Variants in ECM2 observed in about 807,000 individuals in gnomAD.
ECM2 encodes extracellular matrix protein 2, also known as extracellular matrix protein 2, female organ and adipocyte specific.
Under a neutral mutation model 67.5 loss-of-function variants are expected in ECM2, and 57 were observed. The observed-to-expected ratio is 0.84, with a 90% CI of 0.68 to 1.05. The LOEUF (loss-of-function observed/expected upper bound fraction) is 1.05. Among genes scored for constraint, ECM2 ranks in the 50% least tolerant of loss-of-function variants. ECM2 has a pLI of 0.00. For missense variants in ECM2, 741 were observed against 822.8 expected, an observed-to-expected ratio of 0.90 and a Z score of 1.22; for synonymous variants, 258 against 294.5, an observed-to-expected ratio of 0.88 and a Z score of 1.27.
chr9:92,497,211 T>C (rs577721195), intron 9 of ECM2, among the ~76,000 whole-genome samples: 2 of 152,328 alleles, frequency 1.3e-5, no homozygotes, highest in South Asian at 4.1e-4. Context: ...TGGAAACACA[T>C]GTCTATCAAT....
intron 1 of ECM2, among the ~76,000 whole-genome samples, chr9:92,532,232 TCAC>T (rs959014941): frequency 7.2e-5 from 11 of 151,966 alleles, no homozygotes; most frequent in African/African-American, 2.4e-4. Flanking sequence ...TCTAATTTTT[TCAC>T]TTTTAAAAGT....
the ECM2 span, among the ~76,000 whole-genome samples, chr9:92,548,541 A>G: frequency 2.0e-5 from 3 of 152,222 alleles, no homozygotes. Context: ...TTGGAAATAT[A>G]TTTTAATAAA....
chr9:92,530,190 G>A (rs370526593), intron 1 of ECM2, among the ~76,000 whole-genome samples: 4 of 152,070 alleles, frequency 2.6e-5, no homozygotes, highest in South Asian at 2.1e-4. Context: ...ACCAAGGGAC[G>A]ACAGTACTAT....
At chr9:92,555,375 T>C in the ECM2 span, among the ~76,000 whole-genome samples, 1 of 151,530 alleles carries the variant, frequency 6.6e-6, no homozygotes, top group Non-Finnish European at 1.5e-5. Context: ...TACAGATGCA[T>C]ACCACCATGT....
intron 5 of ECM2, among the ~76,000 whole-genome samples, chr9:92,511,531 T>C (rs896649527): frequency 1.3e-5 from 2 of 151,968 alleles, no homozygotes; most frequent in Non-Finnish European, 2.9e-5. Flanking sequence ...CCCCAAGCTA[T>C]CCCTAATTTT....
At chr9:92,517,138 A>G (rs1847777999) in intron 3 of ECM2, 1 of 157,060 alleles carries the variant, frequency 6.4e-6, no homozygotes, top group Non-Finnish European at 1.4e-5. Context: ...GAAGTGCCAC[A>G]TGAGAAAATC....
At chr9:92,540,084 A>G (rs973518078), upstream of ECM2, among the ~76,000 whole-genome samples, 16 of 152,244 alleles carry the variant, frequency 1.1e-4, no homozygotes, top group African/African-American at 3.9e-4. Context: ...CACAGTTAAA[A>G]TTTCAGTTTT....
the ECM2 span, among the ~76,000 whole-genome samples, chr9:92,546,407 C>T: frequency 6.6e-6 from 1 of 152,160 alleles, no homozygotes; most frequent in East Asian, 1.9e-4. Context: ...TCTTTGGGTC[C>T]ACGCTGACTT....
chr9:92,495,710 T>A lies in ECM2; in HGVS notation c.*605A>T. On this transcript the variant is annotated 3_prime_UTR_variant, in exon 10 of 10. Coordinates refer to ENST00000344604, the MANE Select transcript of ECM2 (RefSeq NM_001393.4). Reference sequence around the variant, plus strand: ...TTAATGTTAACAATGTACATAACCATAATATGATTTTCAAAACCAGGAAAT... The same window carrying A: ...TTAATGTTAACAATGTACATAACCAAAATATGATTTTCAAAACCAGGAAAT... The A allele has an allele frequency of 1.1e-6, 1 of 900,882 alleles. No homozygotes were observed. Among genetic ancestry groups the A allele is most frequent in the Non-Finnish European group, 1.3e-6 (1 of 753,296 alleles). The allele number at this position is 900,882 out of a possible 1,614,324, so 55.8% of individuals were successfully genotyped here.
At chr9:92,498,735 G>A (rs187035322) in intron 9 of ECM2, among the ~76,000 whole-genome samples, 201 of 152,064 alleles carry the variant, frequency 1.3e-3, no homozygotes, top group African/African-American at 4.6e-3. Context: ...TAAACTTCAA[G>A]CTTTTATTAT....
Position 92,496,124 on chromosome 9 carries a change from A to G in ECM2, c.*191T>C. 8.2e-7 allele frequency: 1 copy of G among 1,223,064 alleles called. No individual in the cohort carries two copies. Among genetic ancestry groups the G allele is most frequent in the Middle Eastern group, 3.2e-4 (1 of 3,118 alleles). The allele number at this position is 1,223,064 out of a possible 1,614,324, so 75.8% of individuals were successfully genotyped here. On this transcript the variant is annotated 3_prime_UTR_variant, in exon 10 of 10. Coordinates refer to ENST00000344604, the MANE Select transcript of ECM2 (RefSeq NM_001393.4). ...GAAACTGAGAGATTTTACCTTTACTATTAATAAAACTCCTAGAGACTATAC... is the reference window on the plus strand; with the variant it reads ...GAAACTGAGAGATTTTACCTTTACTGTTAATAAAACTCCTAGAGACTATAC...
chr9:92,505,702 A>G lies in ECM2; in HGVS notation c.1307-12T>C, dbSNP rs1563973512. 6.4e-7 allele frequency: 1 copy of G among 1,553,220 alleles called. No homozygotes were observed. Among genetic ancestry groups the G allele is most frequent in the Non-Finnish European group, 8.7e-7 (1 of 1,154,940 alleles). On this transcript the variant is annotated splice_polypyrimidine_tract_variant and intron_variant, in intron 6 of 9. Coordinates refer to ENST00000344604, the MANE Select transcript of ECM2 (RefSeq NM_001393.4). ...CAACTGATTTAAGTCTATAAAAAAT[A>G]AAAGTATTAGAATATTAGGATAATT... is the stretch of plus-strand genomic sequence containing the variant.
chr9:92,494,777 C>G (rs575616264), downstream of ECM2, among the ~76,000 whole-genome samples: 1 of 152,104 alleles, frequency 6.6e-6, no homozygotes, highest in Non-Finnish European at 1.5e-5. Flanking sequence ...AGTGGTGACG[C>G]ATGCCTATAG....
intron 9 of ECM2, among the ~76,000 whole-genome samples, chr9:92,498,803 A>C (rs879600902): frequency 6.6e-6 from 1 of 152,236 alleles, no homozygotes; most frequent in South Asian, 2.1e-4. Context: ...AGATCATCCA[A>C]GTTAATATTG....
At chr9:92,555,988 TG>T in the ECM2 span, among the ~76,000 whole-genome samples, 1 of 152,198 alleles carries the variant, frequency 6.6e-6, no homozygotes, top group African/African-American at 2.4e-5. Flanking sequence ...GACCTTAGAT[TG>T]TCTGTGCTCT....
rs142591312 is a variant in ECM2, at chr9:92,514,889, G to A, written c.796C>T (p.Arg266Cys). Residue 266 changes from arginine (R) to cysteine (C), a missense_variant, in exon 4 of 10, where the codon CGC (arginine) becomes TGC (cysteine). Transcript: ENST00000344604. Reference sequence around the variant, plus strand: ...TCCTCCTCCTCCTCCCTTCCTTGGCGTTGTTGCTGGTGTGCCAGCCTCCTC... The same window carrying A: ...TCCTCCTCCTCCTCCCTTCCTTGGCATTGTTGCTGGTGTGCCAGCCTCCTC... ...EERRLAHQQQ[R>C]QGREEEEDEE... 70 of 1,613,274 alleles carry A rather than the reference G, an allele frequency of 4.3e-5. No individual in the cohort carries two copies. In the African/African-American group the frequency reaches 6.7e-4, roughly 15 times the overall value.
chr9:92,514,535 A>G, intron 4 of ECM2, 96 bp downstream of exon 4: 1 of 1,457,224 alleles, frequency 6.9e-7, no homozygotes, highest in Non-Finnish European at 9.1e-7. Flanking sequence ...TCAGCCTTTC[A>G]AAGTGCTGAG....
intron 1 of ECM2, among the ~76,000 whole-genome samples, chr9:92,523,470 G>A (rs1477553911): frequency 6.6e-6 from 1 of 152,138 alleles, no homozygotes; most frequent in Non-Finnish European, 1.5e-5. Context: ...AGGAAGAGAA[G>A]AGACAGGTTA....
chr9:92,551,942 T>G, the ECM2 span, among the ~76,000 whole-genome samples: 6 of 79,498 alleles, frequency 7.5e-5, no homozygotes, highest in African/African-American at 5.6e-4. Context: ...TATATATATA[T>G]ATATATATAT....
Sources: allele counts gnomAD v4.1 joint callset (sites outside exome capture counted in the v4.1 genomes callset), GRCh38; gene constraint gnomAD v4.1.1; transcripts MANE v1.5; gene names NCBI Gene and HGNC (gene_info 2026-07-23, HGNC 2026-07-21).